The following USH2A variants were observed in gnomAD, a reference collection of about 807,000 sequenced individuals.
USH2A encodes Usher syndrome 2A (autosomal recessive, mild).
Under a neutral mutation model 538.9 loss-of-function variants are expected in USH2A, and 443 were observed. The observed-to-expected ratio is 0.82, with a 90% CI of 0.76 to 0.89. The LOEUF is 0.89. Among genes scored for constraint, USH2A ranks in the 40% least tolerant of loss-of-function variants. The pLI is 0.00. For synonymous variants in USH2A, 2,413 were observed against 2,273.5 expected (o/e 1.06, Z -1.75); for missense variants, 6,633 against 6,324.8 (o/e 1.05, Z -1.65).
At chr1:215,810,760 T>C (rs1662647263) in intron 49 of USH2A, among the ~76,000 whole-genome samples, 1 of 152,186 alleles carries the variant, frequency 6.6e-6, no homozygotes, top group South Asian at 2.1e-4. Context: ...ATTTGATCCA[T>C]TGTTGACATC....
intron 40 of USH2A, among the ~76,000 whole-genome samples, chr1:215,892,354 G>T (rs1239654952): frequency 6.6e-6 from 1 of 152,042 alleles, no homozygotes; most frequent in African/African-American, 2.4e-5. Flanking sequence ...GCCTCGCTCA[G>T]TTTAAAAACT....
Position 216,089,005 on chromosome 1 carries a change from G to C in USH2A, c.4885+8C>G. The C allele has an allele frequency of 6.2e-7, 1 of 1,613,088 alleles. No homozygotes were observed. Among genetic ancestry groups the C allele is most frequent in the Non-Finnish European group, 8.5e-7 (1 of 1,179,390 alleles). On this transcript the variant is annotated splice_region_variant and intron_variant, in intron 23 of 71. Transcript: ENST00000307340. ...CAGGGCTATTTATACATATCAAAAA[G>C]TACTTACCTGTATATATCCCATCCA...
chr1:215,953,155 A>G lies in USH2A; in HGVS notation c.7120+12162T>C, dbSNP rs1006601597. 4.6e-5 allele frequency among the ~76,000 whole-genome samples: 7 copies of G among 152,132 alleles called. No individual in the cohort carries two copies. In the East Asian group the frequency reaches 7.7e-4, roughly 17 times the overall value. The stretch of plus-strand genomic sequence containing the variant: ...CCATACTGCCCAAGGTAATTTATAG[A>G]TTCAATGCCATCCCCATCAAGCTAC... On this transcript the variant is annotated intron_variant, in intron 37 of 71. Transcript: ENST00000307340.
At chr1:215,747,884 TTGTTTGG>T (rs761254137) in intron 58 of USH2A, among the ~76,000 whole-genome samples, 2 of 128,992 alleles carry the variant, frequency 1.6e-5, no homozygotes, top group Non-Finnish European at 3.5e-5. Flanking sequence ...GTTTGTTTGT[TTGTTTGG>T]TTTTTTTTTT....
chr1:215,954,492 C>G (rs1667012606), intron 37 of USH2A, among the ~76,000 whole-genome samples: 1 of 143,652 alleles, frequency 7.0e-6, no homozygotes, highest in African/African-American at 2.6e-5. Context: ...TATGTTCTCA[C>G]TCATAGGTGG....
intron 3 of USH2A, among the ~76,000 whole-genome samples, chr1:216,405,357 A>G (rs2039377954): frequency 6.6e-6 from 1 of 152,198 alleles, no homozygotes; most frequent in African/African-American, 2.4e-5. Flanking sequence ...ATAAGCAATC[A>G]AATTAGAAAA....
chr1:216,256,697 T>C (rs2036265989), intron 11 of USH2A, among the ~76,000 whole-genome samples: 1 of 152,054 alleles, frequency 6.6e-6, no homozygotes, highest in African/African-American at 2.4e-5. Context: ...ACTTAACAAA[T>C]AGTAAATACA....
intron 32 of USH2A, among the ~76,000 whole-genome samples, chr1:216,004,478 A>G (rs1668345373): frequency 1.3e-5 from 2 of 152,186 alleles, no homozygotes; most frequent in African/African-American, 4.8e-5. Context: ...AAAATCGGCC[A>G]TCGGGTATAA....
intron 37 of USH2A, among the ~76,000 whole-genome samples, chr1:215,955,512 A>T (rs1558180775): frequency 6.6e-6 from 1 of 152,144 alleles, no homozygotes; most frequent in Non-Finnish European, 1.5e-5. Context: ...GTCCAAATAA[A>T]CAAATAAATT....
chr1:215,875,947 ATG>A (rs1664756492), intron 43 of USH2A, among the ~76,000 whole-genome samples: 1 of 141,976 alleles, frequency 7.0e-6, no homozygotes, highest in Non-Finnish European at 1.5e-5. Context: ...ATAATTAATA[ATG>A]TATATAATAT....
At chr1:215,724,747 T>G (rs1457115092) in intron 61 of USH2A, among the ~76,000 whole-genome samples, 1 of 150,938 alleles carries the variant, frequency 6.6e-6, no homozygotes, top group Non-Finnish European at 1.5e-5. Context: ...CCTCACAGTC[T>G]CTGCTCTGCT....
intron 49 of USH2A, among the ~76,000 whole-genome samples, chr1:215,808,096 C>T (rs985031764): frequency 4.6e-5 from 7 of 152,008 alleles, no homozygotes; most frequent in Non-Finnish European, 7.4e-5. Flanking sequence ...CATCAAACCA[C>T]GGAAACACTA....
At chr1:216,225,520 C>T (rs972357160) in intron 14 of USH2A, among the ~76,000 whole-genome samples, 6 of 152,126 alleles carry the variant, frequency 3.9e-5, no homozygotes, top group Non-Finnish European at 8.8e-5. Flanking sequence ...TGCTGATCTC[C>T]TTGGGTCCCA....
rs377445729 is a variant in USH2A at position 216,343,462 on chromosome 1, A to G, written c.785-15808T>C. Among the ~76,000 whole-genome samples the G allele has an allele frequency of 1.3e-3, 191 of 151,032 alleles. 1 individual carries two copies. Among genetic ancestry groups the G allele is most frequent in the African/African-American group, 4.3e-3 (177 of 41,194 alleles). On this transcript the variant is annotated intron_variant, in intron 4 of 71. Transcript: ENST00000307340. The stretch of plus-strand genomic sequence containing the variant: ...GGCTATGACAGGAGGATTACTTGAG[A>G]CTGCACTAGGATACGATCATGCCAC...
At chr1:216,072,811 T>C in intron 29 of USH2A, 78 bp downstream of exon 29, 6 of 1,357,280 alleles carry the variant, frequency 4.4e-6, no homozygotes, top group South Asian at 2.3e-5. Flanking sequence ...TTCAGGGTAA[T>C]AGTCCTTCCT....
At chr1:215,743,055 A>T in intron 59 of USH2A, 122 bp downstream of exon 59, 1 of 1,233,270 alleles carries the variant, frequency 8.1e-7, no homozygotes, top group African/African-American at 1.5e-5. Context: ...ACAGTCCACT[A>T]CAAATAAGAA....
rs755020832 is a variant in USH2A, at chr1:215,790,183, G to A, written c.10058C>T (p.Pro3353Leu). The change falls in exon 51 of 72, where the codon CCG (proline) becomes CTG (leucine). Residue 3353 changes from proline (P) to leucine (L), a missense_variant. Coordinates refer to ENST00000307340, the MANE Select transcript of USH2A (RefSeq NM_206933.4). ...AGTCTCACAGCATTTTACTGGCACC[G>A]GGTCATTCTTTTTAATATGTGCTTT... ...ESKAHIKKND[P>L]VPVKCCETEL... 8.1e-6 allele frequency: 13 copies of A among 1,613,858 alleles called. No homozygotes were observed. Among genetic ancestry groups the A allele is most frequent in the African/African-American group, 2.7e-5 (2 of 74,864 alleles).
Position 215,854,747 on chromosome 1 carries a change from T to C in USH2A, c.8846-8714A>G, listed in dbSNP as rs538387222. Among the ~76,000 whole-genome samples, 6 of 152,310 alleles carry C rather than the reference T, an allele frequency of 3.9e-5. No homozygotes were observed. In the South Asian group the frequency reaches 1.2e-3, roughly 32 times the overall value. On this transcript the variant is annotated intron_variant, in intron 44 of 71. Transcript: ENST00000307340. ...GGGACTGTGTGTGCCATTTACATAG[T>C]GCATGAATAACCTGGTCACCCCATC...
At chr1:215,644,586 G>A (rs1558035383) in intron 67 of USH2A, among the ~76,000 whole-genome samples, 2 of 152,186 alleles carry the variant, frequency 1.3e-5, no homozygotes, top group African/African-American at 2.4e-5. Context: ...CCAGGAGAGG[G>A]TGGTAATGAA....
Sources: allele counts gnomAD v4.1 joint callset (sites outside exome capture counted in the v4.1 genomes callset), GRCh38; gene constraint gnomAD v4.1.1; transcripts MANE v1.5; gene names NCBI Gene and HGNC (gene_info 2026-07-23, HGNC 2026-07-21).